PTPRD: variants seen among roughly 807,000 people sequenced by gnomAD.
PTPRD encodes protein tyrosine phosphatase receptor type D.
PTPRD carries 34 observed loss-of-function variants against 214.5 expected under a neutral mutation model. That is an observed-to-expected ratio of 0.16 (90% CI 0.12 to 0.21). PTPRD has a LOEUF of 0.21. PTPRD is among the 10% of genes least tolerant of loss of function. The pLI is 1.00. For missense variants in PTPRD, 2,545 were observed against 2,398.7 expected (o/e 1.06, Z -1.27); for synonymous variants, 1,128 against 845.7 (o/e 1.33, Z -5.79).
chr9:9,201,511 G>C (rs1383910916), intron 9 of PTPRD, among the ~76,000 whole-genome samples: 1 of 151,988 alleles, frequency 6.6e-6, no homozygotes, highest in African/African-American at 2.4e-5. Context: ...AATAGGATAG[G>C]ATAGGACATA....
At chr9:9,514,047 C>A (rs2096776171) in intron 8 of PTPRD, among the ~76,000 whole-genome samples, 1 of 152,054 alleles carries the variant, frequency 6.6e-6, no homozygotes, top group Non-Finnish European at 1.5e-5. Flanking sequence ...AAGTCCGAAT[C>A]TGTGCTAAGT....
At chr9:8,630,328 C>T (rs1196626486) in intron 14 of PTPRD, among the ~76,000 whole-genome samples, 1 of 151,826 alleles carries the variant, frequency 6.6e-6, no homozygotes, top group Non-Finnish European at 1.5e-5. Flanking sequence ...GTATAAACCT[C>T]TTCACACTCA....
chr9:9,268,257 A>C (rs1391886883), intron 9 of PTPRD, among the ~76,000 whole-genome samples: 2 of 151,224 alleles, frequency 1.3e-5, no homozygotes. Flanking sequence ...AAACAATCCT[A>C]TTTACAACAG....
At chr9:9,392,540 A>G (rs1029674204) in intron 9 of PTPRD, among the ~76,000 whole-genome samples, 3 of 152,120 alleles carry the variant, frequency 2.0e-5, no homozygotes, top group Non-Finnish European at 2.9e-5. Flanking sequence ...ATGGGATCCT[A>G]TGTTAGGTCA....
intron 10 of PTPRD, among the ~76,000 whole-genome samples, chr9:9,057,116 G>C (rs1459873262): frequency 1.3e-5 from 2 of 152,088 alleles, no homozygotes; most frequent in Non-Finnish European, 2.9e-5. Flanking sequence ...ATATTAAATA[G>C]TTGGCATTAT....
At chr9:9,740,061 C>G (rs1242388939) in intron 6 of PTPRD, among the ~76,000 whole-genome samples, 1 of 152,072 alleles carries the variant, frequency 6.6e-6, no homozygotes, top group Non-Finnish European at 1.5e-5. Context: ...TTGAAACTTG[C>G]CTTATGATTC....
chr9:9,009,498 G>T (rs2099498973), intron 11 of PTPRD, among the ~76,000 whole-genome samples: 1 of 151,938 alleles, frequency 6.6e-6, no homozygotes, highest in Non-Finnish European at 1.5e-5. Context: ...TGCCATAGGG[G>T]TTTTCAGCAG....
chr9:10,262,202 TGCTTTTCAAGAAATGGTGAAAATG>T (rs1183678321), intron 3 of PTPRD, among the ~76,000 whole-genome samples: 164 of 152,330 alleles, frequency 1.1e-3, no homozygotes, highest in African/African-American at 3.8e-3. Flanking sequence ...AATTAATTTG[TGCTTTTCAAGAAATGGTGAAAATG>T]TTAAAGAATA....
At chr9:9,737,652 C>T (rs558473415) in intron 6 of PTPRD, among the ~76,000 whole-genome samples, 31 of 152,250 alleles carry the variant, frequency 2.0e-4, no homozygotes, top group African/African-American at 7.2e-4. Context: ...TCCATTTATA[C>T]TGTTGCAATA....
intron 11 of PTPRD, among the ~76,000 whole-genome samples, chr9:8,939,838 T>C (rs1343975208): frequency 6.6e-6 from 1 of 152,158 alleles, no homozygotes; most frequent in East Asian, 1.9e-4. Context: ...AGTGTTGTAC[T>C]TGGTGATAGT....
intron 8 of PTPRD, among the ~76,000 whole-genome samples, chr9:9,435,082 T>C (rs75802077): frequency 0.034 from 5,113 of 152,084 alleles, 198 homozygotes; most frequent in East Asian, 0.12. Flanking sequence ...TTAATGTATT[T>C]CCTAAAATTT....
At chr9:9,666,767 G>A (rs1391190151) in intron 7 of PTPRD, among the ~76,000 whole-genome samples, 6 of 151,878 alleles carry the variant, frequency 4.0e-5, no homozygotes, top group African/African-American at 7.2e-5. Context: ...TTCTAAAACT[G>A]AAATCTAAAA....
chr9:10,201,668 G>A (rs1446705679), intron 3 of PTPRD, among the ~76,000 whole-genome samples: 1 of 151,754 alleles, frequency 6.6e-6, no homozygotes, highest in Admixed American at 6.6e-5. Flanking sequence ...CATATCTTAG[G>A]TATTGTGAAT....
chr9:10,500,399 T>C (rs2043291391), intron 2 of PTPRD, among the ~76,000 whole-genome samples: 1 of 151,856 alleles, frequency 6.6e-6, no homozygotes, highest in Non-Finnish European at 1.5e-5. Context: ...ACAACCTTGA[T>C]TCTTTTGTTA....
chr9:10,211,974 G>A (rs2099519510), intron 3 of PTPRD, among the ~76,000 whole-genome samples: 1 of 152,080 alleles, frequency 6.6e-6, no homozygotes, highest in Admixed American at 6.6e-5. Context: ...ACAAGATACA[G>A]CAGGTCAATT....
chr9:10,492,240 G>A lies in PTPRD; in HGVS notation c.-600+120158C>T, dbSNP rs572067846. The stretch of plus-strand genomic sequence containing the variant: ...TGGGTATATACCCAGTAATGGGATG[G>A]CTGGGTCAAATGGTATTACTGGTTC... On this transcript the variant is annotated intron_variant, in intron 2 of 45. Transcript: ENST00000381196. Among the ~76,000 whole-genome samples, 34 of 152,218 alleles carry A rather than the reference G, an allele frequency of 2.2e-4. No homozygotes were observed. In the South Asian group the frequency reaches 6.0e-3, roughly 27 times the overall value.
chr9:10,046,701 T>C lies in PTPRD; in HGVS notation c.-544-12911A>G, dbSNP rs150160157. 7.8e-3 allele frequency among the ~76,000 whole-genome samples: 1,190 copies of C among 152,044 alleles called. 14 individuals are homozygous for C. The highest frequency in any genetic ancestry group is 9.5e-3 in the Non-Finnish European group (645 of 67,854). On this transcript the variant is annotated intron_variant, in intron 3 of 45. Transcript: ENST00000381196. The stretch of plus-strand genomic sequence containing the variant: ...GGACCACTTACTTGAAATGATAAGA[T>C]GGATGATTGCACTCAGAGAGCAATT...
intron 2 of PTPRD, among the ~76,000 whole-genome samples, chr9:10,345,607 T>C (rs995911235): frequency 1.3e-5 from 2 of 152,228 alleles, no homozygotes; most frequent in South Asian, 2.1e-4. Context: ...ATCCTTTTTG[T>C]GGCTACACAG....
Position 10,342,591 on chromosome 9 carries a change from G to C in PTPRD, c.-599-1574C>G, listed in dbSNP as rs557332390. On this transcript the variant is annotated intron_variant, in intron 2 of 45. Coordinates refer to ENST00000381196, the MANE Select transcript of PTPRD (RefSeq NM_002839.4). ...ATTAATCTAAAAATAAAGAGTCAAA[G>C]TATTGTCCTCAAATGTATAAATACA... Among the ~76,000 whole-genome samples the C allele has an allele frequency of 2.9e-4, 44 of 152,152 alleles. No individual in the cohort carries two copies. The South Asian group carries it at 8.5e-3, about 29-fold the overall frequency.
Sources: allele counts gnomAD v4.1 joint callset (sites outside exome capture counted in the v4.1 genomes callset), GRCh38; gene constraint gnomAD v4.1.1; transcripts MANE v1.5; gene names NCBI Gene and HGNC (gene_info 2026-07-23, HGNC 2026-07-21).